Variants in SLC8A2 observed in about 807,000 individuals in gnomAD.
The protein encoded by SLC8A2 is sodium/calcium exchanger 2.
A neutral mutation model predicts 70.2 loss-of-function variants in SLC8A2; 14 were observed. The observed-to-expected ratio is 0.20, with a 90% CI of 0.13 to 0.31. The LOEUF (loss-of-function observed/expected upper bound fraction) is 0.31. Ranked by LOEUF, SLC8A2 falls within the 10% of genes least tolerant of loss-of-function variation. SLC8A2 has a pLI of 1.00. For missense variants in SLC8A2, 779 were observed against 1,320.1 expected, an observed-to-expected ratio of 0.59 and a Z score of 6.35; for synonymous variants, 575 against 594.3, an observed-to-expected ratio of 0.97 and a Z score of 0.47.
At chr19:47,452,875 A>C (rs1022242044) in intron 3 of SLC8A2, among the ~76,000 whole-genome samples, 25 of 152,010 alleles carry the variant, frequency 1.6e-4, no homozygotes, top group Non-Finnish European at 4.4e-5. Context: ...TCTACTAAAA[A>C]TACAAAAATT....
At chr19:47,435,523 C>A (rs377764360) in intron 8 of SLC8A2, among the ~76,000 whole-genome samples, 1 of 151,612 alleles carries the variant, frequency 6.6e-6, no homozygotes, top group African/African-American at 2.4e-5. Flanking sequence ...CTCTGCAGGG[C>A]CCGTCTCCTG....
Position 47,447,738 on chromosome 19 carries a change from C to A in SLC8A2, c.1763+71G>T. On this transcript the variant is annotated intron_variant, in intron 4 of 9. Coordinates refer to ENST00000236877, the MANE Select transcript of SLC8A2 (RefSeq NM_015063.3). The surrounding 1 kb of genome is among the most constrained non-coding windows in gnomAD (Gnocchi z 5.1). ...GTGGGCATGGCTCACCCAGGCCCCGCCCCTGAGCCACATCAGGCCTCGCCC... is the reference window on the plus strand; with the variant it reads ...GTGGGCATGGCTCACCCAGGCCCCGACCCTGAGCCACATCAGGCCTCGCCC... 2 of 1,436,306 alleles carry A rather than the reference C, an allele frequency of 1.4e-6. No homozygotes were observed. Among genetic ancestry groups the A allele is most frequent in the East Asian group, 5.3e-5 (2 of 37,902 alleles). The allele number at this position is 1,436,306 out of a possible 1,614,324, so 89.0% of individuals were successfully genotyped here.
chr19:47,466,899 A>G lies in SLC8A2; in HGVS notation c.-16-480T>C, dbSNP rs183229309. Among the ~76,000 whole-genome samples the G allele has an allele frequency of 2.6e-5, 4 of 152,226 alleles. No individual in the cohort carries two copies. The East Asian group carries it at 7.7e-4, about 29-fold the overall frequency. ...TGGTGAAACCCCGTCTCTACTAAAA[A>G]TACAAAAATTAGCTGGGCAGGGTGG... On this transcript the variant is annotated intron_variant, in intron 1 of 9. Coordinates refer to ENST00000236877, the MANE Select transcript of SLC8A2 (RefSeq NM_015063.3). The surrounding 1 kb of genome is among the most constrained non-coding windows in gnomAD (Gnocchi z 6.9).
At position 47,468,895 on chromosome 19, in the gene SLC8A2, TGTCCTGGGAA is replaced by T. The variant is rs1394551014; in HGVS notation, c.-16-2486_-16-2477del. 6.6e-6 allele frequency among the ~76,000 whole-genome samples: 1 copy of T among 151,610 alleles called. No individual in the cohort carries two copies. Among genetic ancestry groups the T allele is most frequent in the African/African-American group, 2.4e-5 (1 of 41,232 alleles). On this transcript the variant is annotated intron_variant, in intron 1 of 9. Transcript: ENST00000236877. The surrounding 1 kb of genome is among the most constrained non-coding windows in gnomAD (Gnocchi z 5.1). ...AAAGAGAAGGAGAGAGGAAGAGAGG[TGTCCTGGGAA>T]CCTCCACCCTCCCAGACCCCTCTGC...
At chr19:47,469,537 G>A (rs934436975) in intron 1 of SLC8A2, among the ~76,000 whole-genome samples, 18 of 152,170 alleles carry the variant, frequency 1.2e-4, no homozygotes, top group Non-Finnish European at 5.9e-5. Context: ...CCCAGGGGCT[G>A]GGTCAAGCAC....
Position 47,468,827 on chromosome 19 carries a change from C to T in SLC8A2, c.-16-2408G>A, listed in dbSNP as rs557678882. 3.3e-5 allele frequency among the ~76,000 whole-genome samples: 5 copies of T among 152,294 alleles called. No homozygotes were observed. Among genetic ancestry groups the T allele is most frequent in the East Asian group, 3.9e-4 (2 of 5,176 alleles). ...GAGTGGCCCTGACTCTGAGCTCCTC[C>T]GCCCCACCCTCATGTTGCCATGGTA... On this transcript the variant is annotated intron_variant, in intron 1 of 9. Transcript: ENST00000236877. The surrounding 1 kb of genome is among the most constrained non-coding windows in gnomAD (Gnocchi z 5.1).
rs191958674 is a variant in SLC8A2 at position 47,466,844 on chromosome 19, A to G, written c.-16-425T>C. ...AACTTTGGGAGGCTGAGGTGGGTGGATCAGGAGTTTGAGACCAGCCTGGCC... is the reference window on the plus strand; with the variant it reads ...AACTTTGGGAGGCTGAGGTGGGTGGGTCAGGAGTTTGAGACCAGCCTGGCC... On this transcript the variant is annotated intron_variant, in intron 1 of 9. Transcript: ENST00000236877. The surrounding 1 kb of genome is among the most constrained non-coding windows in gnomAD (Gnocchi z 6.9). Among the ~76,000 whole-genome samples the G allele has an allele frequency of 6.6e-6, 1 of 152,094 alleles. No homozygotes were observed. The highest frequency in any genetic ancestry group is 1.5e-5 in the Non-Finnish European group (1 of 67,994).
In SLC8A2 at chr19:47,444,872, G is replaced by C. The variant is rs115392380; in HGVS notation, c.1763+2937C>G. ...CTCCACTCTCCTGCCCTTCTCCCCT[G>C]CCAGTCTCTGATCTCAGACCCAGTC... is the stretch of plus-strand genomic sequence containing the variant. On this transcript the variant is annotated intron_variant, in intron 4 of 9. Coordinates refer to ENST00000236877, the MANE Select transcript of SLC8A2 (RefSeq NM_015063.3). Among the ~76,000 whole-genome samples the C allele has an allele frequency of 2.9e-3, 447 of 152,202 alleles. 3 individuals carry two copies. Among genetic ancestry groups the C allele is most frequent in the African/African-American group, 0.01 (419 of 41,528 alleles).
intron 8 of SLC8A2, among the ~76,000 whole-genome samples, chr19:47,433,746 A>G (rs560177830): frequency 6.6e-6 from 1 of 151,652 alleles, no homozygotes; most frequent in African/African-American, 2.4e-5. Context: ...AGTTCGAGTG[A>G]TTCTCATGCC....
Position 47,437,805 on chromosome 19 carries a change from T to C in SLC8A2, c.2010+44A>G, listed in dbSNP as rs1186545260. 4 of 1,612,072 alleles carry C rather than the reference T, an allele frequency of 2.5e-6. No individual in the cohort carries two copies. In the Admixed American group the frequency reaches 5.0e-5, roughly 20 times the overall value. ...GCTTTCCGGACCCTCCCCAAGGAAA[T>C]GAACCAGGCTGGACTCCAGGAAGGT... is the stretch of plus-strand genomic sequence containing the variant. On this transcript the variant is annotated intron_variant, in intron 7 of 9. Transcript: ENST00000236877.
chr19:47,463,679 C>CAA (rs200422472), intron 2 of SLC8A2, among the ~76,000 whole-genome samples: 8,626 of 119,966 alleles, frequency 0.072, 426 homozygotes, highest in African/African-American at 0.15. Context: ...GACTCTGTCT[C>CAA]AAAAAAAAAA....
chr19:47,445,891 A>T lies in SLC8A2; in HGVS notation c.1763+1918T>A, dbSNP rs185111432. ...GGTGCCTCTCGCAGCCCCCAACCCA[A>T]GTTCTCAACAACCCTCAGACAGAGA... On this transcript the variant is annotated intron_variant, in intron 4 of 9. Transcript: ENST00000236877. Among the ~76,000 whole-genome samples, 906 of 152,304 alleles carry T rather than the reference A, an allele frequency of 5.9e-3. 32 individuals are homozygous for T. The highest frequency in any genetic ancestry group is 0.047 in the Admixed American group (713 of 15,288).
intron 3 of SLC8A2, among the ~76,000 whole-genome samples, chr19:47,452,201 C>G (rs1402042869): frequency 6.6e-6 from 1 of 151,934 alleles, no homozygotes; most frequent in Non-Finnish European, 1.5e-5. Flanking sequence ...CACAGAGTGT[C>G]ACAATTATTG....
intron 1 of SLC8A2, among the ~76,000 whole-genome samples, chr19:47,469,756 C>A (rs1477521181): frequency 6.6e-6 from 1 of 152,208 alleles, no homozygotes; most frequent in Non-Finnish European, 1.5e-5. Flanking sequence ...ACCCAATCTG[C>A]TTTTAGAATC....
chr19:47,441,065 G>T, intron 6 of SLC8A2, 104 bp downstream of exon 6: 1 of 1,105,724 alleles, frequency 9.0e-7, no homozygotes, highest in Non-Finnish European at 1.4e-6. Context: ...CCTCCAATCT[G>T]CCTCAAACCC....
At chr19:47,437,793 T>TCC in intron 7 of SLC8A2, 56 bp downstream of exon 7, 1 of 1,607,162 alleles carries the variant, frequency 6.2e-7, no homozygotes, top group Non-Finnish European at 8.5e-7. Flanking sequence ...TTCCGGACCC[T>TCC]CCCCAAGGAA....
chr19:47,430,545 C>T lies in SLC8A2; in HGVS notation c.2390-80G>A, dbSNP rs1453801708. 1.4e-6 allele frequency: 2 copies of T among 1,417,702 alleles called. No individual in the cohort carries two copies. The highest frequency in any genetic ancestry group is 9.3e-7 in the Non-Finnish European group (1 of 1,077,224). The allele number at this position is 1,417,702 out of a possible 1,614,324, so 87.8% of individuals were successfully genotyped here. Reference sequence around the variant, plus strand: ...CGGGCATCCGCCTGCCCCCTCCCAGCCTTTCCCGGTCGCCTGCTTTCTGCG... The same window carrying T: ...CGGGCATCCGCCTGCCCCCTCCCAGTCTTTCCCGGTCGCCTGCTTTCTGCG... On this transcript the variant is annotated intron_variant, in intron 9 of 9. Transcript: ENST00000236877. The surrounding 1 kb of genome is among the most constrained non-coding windows in gnomAD (Gnocchi z 5.9).
At chr19:47,456,858 T>C in intron 3 of SLC8A2, 72 bp downstream of exon 3, 2 of 1,442,312 alleles carry the variant, frequency 1.4e-6, no homozygotes, top group Admixed American at 2.4e-5. Context: ...GCGAAGAGCC[T>C]GGAGGCCGCC....
chr19:47,431,304 C>T (rs955351582), intron 9 of SLC8A2, among the ~76,000 whole-genome samples: 1 of 152,140 alleles, frequency 6.6e-6, no homozygotes, highest in African/African-American at 2.4e-5. Flanking sequence ...CTTTGCCTCC[C>T]AAAGTGCTGG....
Sources: gnomAD v4.1 joint callset for allele counts (sites outside exome capture counted in the v4.1 genomes callset) on GRCh38, gnomAD v4.1.1 for gene constraint, Gnocchi (gnomAD v3.1) non-coding constraint, MANE v1.5 for transcripts, NCBI Gene and HGNC (gene_info 2026-07-23, HGNC 2026-07-21) for gene names.